Variants in FGF10 observed in about 807,000 individuals in gnomAD.
FGF10 encodes the protein FGF-10.
A neutral mutation model predicts 19.8 loss-of-function variants in FGF10; 2 were observed. The observed-to-expected ratio is 0.10, with a 90% CI of 0.04 to 0.32. The LOEUF is 0.32. Among genes scored for constraint, FGF10 ranks in the 10% least tolerant of loss-of-function variants. FGF10 has a pLI of 1.00. For missense variants in FGF10, 191 were observed against 246.3 expected, an observed-to-expected ratio of 0.78 and a Z score of 1.50; for synonymous variants, 112 against 94.0, an observed-to-expected ratio of 1.19 and a Z score of -1.10.
At chr5:44,367,271 AC>A (rs1415381120) in intron 1 of FGF10, among the ~76,000 whole-genome samples, 3 of 151,986 alleles carry the variant, frequency 2.0e-5, no homozygotes, top group African/African-American at 7.2e-5. Flanking sequence ...CAGGAGCCAG[AC>A]TTTTTTAACT....
intron 1 of FGF10, among the ~76,000 whole-genome samples, chr5:44,331,062 G>C (rs2111758413): frequency 6.6e-6 from 1 of 152,160 alleles, no homozygotes; most frequent in African/African-American, 2.4e-5. Flanking sequence ...ATATACTAAA[G>C]CTAATGGTAA....
Position 44,305,127 on chromosome 5 carries a change from T to C in FGF10, c.495A>G (p.Ala165=). The C allele has an allele frequency of 6.2e-7, 1 of 1,613,954 alleles. No homozygotes were observed. The highest frequency in any genetic ancestry group is 8.5e-7 in the Non-Finnish European group (1 of 1,179,858). The change falls in exon 3 of 3, where the codon GCA becomes GCG. Residue 165 remains alanine (A), a synonymous_variant. Transcript: ENST00000264664. Reference sequence around the variant, plus strand: ...TCCCATTATGCTGCCAGTTAAATGATGCATAGGTATTGTATCCATTTTCCT... The same window carrying C: ...TCCCATTATGCTGCCAGTTAAATGACGCATAGGTATTGTATCCATTTTCCT... The part of the protein sequence containing the change: ...RIEENGYNTY[A]SFNWQHNGRQ...
chr5:44,358,066 G>A (rs1468603928), intron 1 of FGF10, among the ~76,000 whole-genome samples: 2 of 151,386 alleles, frequency 1.3e-5, no homozygotes, highest in Non-Finnish European at 1.5e-5. Context: ...TTAGACTAAT[G>A]TTCTTCCACC....
intron 1 of FGF10, among the ~76,000 whole-genome samples, chr5:44,357,043 A>C (rs1426442574): frequency 6.6e-6 from 1 of 151,036 alleles, no homozygotes; most frequent in East Asian, 2.0e-4. Context: ...AGATTATTAC[A>C]AAAAAAATAT....
At chr5:44,341,265 G>A (rs994194445) in intron 1 of FGF10, among the ~76,000 whole-genome samples, 2 of 151,694 alleles carry the variant, frequency 1.3e-5, no homozygotes, top group African/African-American at 4.8e-5. Context: ...TTGAAAATGT[G>A]GTATACATAA....
At chr5:44,313,314 T>A (rs1460001543) in intron 1 of FGF10, among the ~76,000 whole-genome samples, 4 of 152,086 alleles carry the variant, frequency 2.6e-5, no homozygotes, top group Admixed American at 2.6e-4. Flanking sequence ...ACTTCTTTAC[T>A]TTTTGTAAGG....
At chr5:44,332,600 T>C (rs1309330337) in intron 1 of FGF10, among the ~76,000 whole-genome samples, 2 of 152,256 alleles carry the variant, frequency 1.3e-5, no homozygotes, top group East Asian at 3.9e-4. Flanking sequence ...CCTAGAGTAG[T>C]TAACAAGTTT....
intron 1 of FGF10, among the ~76,000 whole-genome samples, chr5:44,363,088 T>C (rs905036718): frequency 5.9e-5 from 9 of 151,800 alleles, no homozygotes; most frequent in African/African-American, 2.2e-4. Context: ...CAATATCAAT[T>C]TTCCTGGAGT....
intron 1 of FGF10, among the ~76,000 whole-genome samples, chr5:44,338,635 A>C (rs997103049): frequency 1.3e-5 from 2 of 152,210 alleles, no homozygotes; most frequent in Non-Finnish European, 2.9e-5. Context: ...ACAAGTTCAA[A>C]GAAACATTTA....
At chr5:44,343,607 A>G (rs1439672212) in intron 1 of FGF10, among the ~76,000 whole-genome samples, 2 of 151,998 alleles carry the variant, frequency 1.3e-5, no homozygotes. Flanking sequence ...TATGTCAAGG[A>G]AAATCTCAGT....
At chr5:44,372,301 C>T (rs1246357508) in intron 1 of FGF10, among the ~76,000 whole-genome samples, 1 of 152,144 alleles carries the variant, frequency 6.6e-6, no homozygotes, top group African/African-American at 2.4e-5. Flanking sequence ...CAAATCTCTG[C>T]TTCCATCCTC....
chr5:44,375,080 C>T (rs1166947278), intron 1 of FGF10, among the ~76,000 whole-genome samples: 1 of 152,100 alleles, frequency 6.6e-6, no homozygotes, highest in Non-Finnish European at 1.5e-5. Flanking sequence ...GGTGACTGAA[C>T]TTTGAGAGTC....
At chr5:44,365,323 T>C (rs1333562573) in intron 1 of FGF10, among the ~76,000 whole-genome samples, 1 of 140,120 alleles carries the variant, frequency 7.1e-6, no homozygotes, top group Non-Finnish European at 1.5e-5. Context: ...TCTTTTCTGG[T>C]GGTCAATTTC....
rs1740880601 is a variant in FGF10, at chr5:44,337,501, G to A, written c.326-26971C>T. ...ATCATTACCTTTTGATGATAGAACT[G>A]CCTAGCTAAAACACAAAAATAATCT... is the stretch of plus-strand genomic sequence containing the variant. On this transcript the variant is annotated intron_variant, in intron 1 of 2. Transcript: ENST00000264664. 1.3e-5 allele frequency among the ~76,000 whole-genome samples: 2 copies of A among 152,182 alleles called. 1 individual carries two copies. The highest frequency in any genetic ancestry group is 2.9e-5 in the Non-Finnish European group (2 of 68,032).
chr5:44,352,502 A>G (rs1162514068), intron 1 of FGF10, among the ~76,000 whole-genome samples: 1 of 151,638 alleles, frequency 6.6e-6, no homozygotes, highest in Non-Finnish European at 1.5e-5. Context: ...TGATTGAGAC[A>G]GCTAATTTTT....
chr5:44,321,215 T>C (rs895537870), intron 1 of FGF10, among the ~76,000 whole-genome samples: 2 of 152,158 alleles, frequency 1.3e-5, no homozygotes, highest in African/African-American at 4.8e-5. Context: ...AGTTGGCACA[T>C]GTTCCTCTTT....
At chr5:44,308,943 G>A (rs1740147036) in intron 2 of FGF10, among the ~76,000 whole-genome samples, 1 of 152,092 alleles carries the variant, frequency 6.6e-6, no homozygotes, top group Admixed American at 6.6e-5. Flanking sequence ...CTTTTAATAA[G>A]CCCTTCCACT....
chr5:44,321,759 C>T (rs930439441), intron 1 of FGF10, among the ~76,000 whole-genome samples: 8 of 152,152 alleles, frequency 5.3e-5, no homozygotes, highest in African/African-American at 1.9e-4. Context: ...ACAGAGAGCA[C>T]ACACATCTTC....
rs549573224 is a variant in FGF10, at chr5:44,300,803, G to A, written c.*4192C>T. Among the ~76,000 whole-genome samples the A allele has an allele frequency of 1.3e-5, 2 of 152,122 alleles. No individual in the cohort carries two copies. Among genetic ancestry groups the A allele is most frequent in the Middle Eastern group, 3.4e-3 (1 of 294 alleles). On this transcript the variant is annotated 3_prime_UTR_variant, in exon 3 of 3. Transcript: ENST00000264664. Reference sequence around the variant, plus strand: ...GCCTCTCTGTGGTCATGTCACTGAAGATTGGTCAATCACAATTCCCAAATC... The same window carrying A: ...GCCTCTCTGTGGTCATGTCACTGAAAATTGGTCAATCACAATTCCCAAATC...
Sources: gnomAD v4.1 joint callset for allele counts (sites outside exome capture counted in the v4.1 genomes callset) on GRCh38, gnomAD v4.1.1 for gene constraint, MANE v1.5 for transcripts, NCBI Gene and HGNC (gene_info 2026-07-23, HGNC 2026-07-21) for gene names.